Variants in CDH13 observed in about 807,000 individuals in gnomAD.
CDH13 encodes cadherin 13.
In CDH13, 24 loss-of-function variants were observed where a neutral mutation model predicts 63.8. That is an observed-to-expected ratio of 0.38 (90% CI 0.27 to 0.53). CDH13 has a LOEUF of 0.53. CDH13 is among the 20% of genes least tolerant of loss of function. The pLI is 0.85. For missense variants in CDH13, 1,049 were observed against 903.1 expected (o/e 1.16, Z -2.07); for synonymous variants, 503 against 355.3 (o/e 1.42, Z -4.67).
At chr16:82,714,851 C>T (rs2032246591) in intron 1 of CDH13, among the ~76,000 whole-genome samples, 3 of 141,734 alleles carry the variant, frequency 2.1e-5, no homozygotes, top group Non-Finnish European at 3.1e-5. Flanking sequence ...GCTAAGAGAA[C>T]AGCATGAAAC....
intron 1 of CDH13, among the ~76,000 whole-genome samples, chr16:82,653,521 C>A (rs1045888444): frequency 2.0e-5 from 3 of 152,122 alleles, no homozygotes; most frequent in Admixed American, 2.0e-4. Flanking sequence ...TGTACCTGCA[C>A]AAAGCCAGCA....
chr16:82,893,821 T>C (rs1395057180), intron 2 of CDH13, among the ~76,000 whole-genome samples: 14 of 152,144 alleles, frequency 9.2e-5, no homozygotes. Flanking sequence ...GACACTTGCC[T>C]TCTTTCCATG....
At chr16:83,260,582 G>A (rs1906868550) in intron 5 of CDH13, among the ~76,000 whole-genome samples, 1 of 152,156 alleles carries the variant, frequency 6.6e-6, no homozygotes, top group African/African-American at 2.4e-5. Context: ...AGGTCTGGGA[G>A]GGACTGAGAT....
intron 2 of CDH13, among the ~76,000 whole-genome samples, chr16:82,883,563 G>C (rs1000248370): frequency 6.6e-6 from 1 of 152,196 alleles, no homozygotes; most frequent in Non-Finnish European, 1.5e-5. Context: ...CCCATGCTTT[G>C]TCTCCTGTTA....
intron 4 of CDH13, among the ~76,000 whole-genome samples, chr16:83,176,877 T>G (rs979109562): frequency 7.2e-5 from 11 of 152,148 alleles, no homozygotes; most frequent in African/African-American, 2.7e-4. Flanking sequence ...TTAGTTACCT[T>G]CCTCTCCCAT....
chr16:83,514,730 T>A (rs1165777056), intron 7 of CDH13, among the ~76,000 whole-genome samples: 1 of 150,912 alleles, frequency 6.6e-6, no homozygotes, highest in African/African-American at 2.4e-5. Context: ...AGGCAGAGAG[T>A]GGGATGATGA....
chr16:82,889,824 GT>G (rs1369131433), intron 2 of CDH13, among the ~76,000 whole-genome samples: 2 of 152,176 alleles, frequency 1.3e-5, no homozygotes, highest in African/African-American at 4.8e-5. Context: ...ACTAAAATAC[GT>G]AAGTCTAAAG....
At chr16:82,933,383 G>T (rs1597242063) in intron 2 of CDH13, among the ~76,000 whole-genome samples, 3 of 152,104 alleles carry the variant, frequency 2.0e-5, no homozygotes, top group African/African-American at 4.8e-5. Flanking sequence ...AGCATGGGGA[G>T]ACTGCCCTCA....
At position 82,888,725 on chromosome 16, in the gene CDH13, G is replaced by A. The variant is rs2040977563; in HGVS notation, c.157+30252G>A. On this transcript the variant is annotated intron_variant, in intron 2 of 13. Transcript: ENST00000567109. ...GGATTATTTATTGCCTTGGACAGCA[G>A]CCCTGAAACTTGATCCATTTAGCTG... Among the ~76,000 whole-genome samples the A allele has an allele frequency of 2.0e-5, 3 of 152,212 alleles. No individual in the cohort carries two copies. In the South Asian group the frequency reaches 6.2e-4, roughly 32 times the overall value.
intron 6 of CDH13, among the ~76,000 whole-genome samples, chr16:83,427,961 AC>A (rs1266722005): frequency 6.6e-6 from 1 of 152,244 alleles, no homozygotes; most frequent in Non-Finnish European, 1.5e-5. Flanking sequence ...GTGAATGGCG[AC>A]AGAAAAGCCA....
intron 5 of CDH13, among the ~76,000 whole-genome samples, chr16:83,240,516 A>G (rs566913859): frequency 3.9e-5 from 6 of 152,092 alleles, no homozygotes; most frequent in Non-Finnish European, 7.4e-5. Context: ...TAGAGTGCCC[A>G]TGGCCAAGGT....
chr16:83,579,102 T>A (rs75103223), intron 7 of CDH13, among the ~76,000 whole-genome samples: 2,180 of 152,332 alleles, frequency 0.014, 58 homozygotes, highest in African/African-American at 0.05. Flanking sequence ...CAGAGAAAGT[T>A]GTCATTTGTC....
At chr16:83,671,974 C>G in intron 9 of CDH13, among the ~76,000 whole-genome samples, 1 of 152,152 alleles carries the variant, frequency 6.6e-6, no homozygotes, top group Non-Finnish European at 1.5e-5. Flanking sequence ...CTGCCAGAGA[C>G]CAGGACCTTC....
At chr16:82,638,615 A>T (rs1253896655) in intron 1 of CDH13, among the ~76,000 whole-genome samples, 2 of 152,114 alleles carry the variant, frequency 1.3e-5, no homozygotes, top group African/African-American at 2.4e-5. Flanking sequence ...TAAGGGGGGA[A>T]ATGACTGTGC....
chr16:82,823,446 G>T (rs887186932), intron 1 of CDH13: 5 of 152,070 alleles, frequency 3.3e-5, no homozygotes, highest in African/African-American at 9.7e-5. Context: ...TCATGAATTT[G>T]AAAACAAAAT....
chr16:83,417,181 G>T (rs1202289197), intron 6 of CDH13, among the ~76,000 whole-genome samples: 1 of 152,062 alleles, frequency 6.6e-6, no homozygotes, highest in Non-Finnish European at 1.5e-5. Context: ...TCAGTGGTGG[G>T]GCCATAATTT....
intron 1 of CDH13, among the ~76,000 whole-genome samples, chr16:82,634,965 T>C (rs1194807259): frequency 6.6e-6 from 1 of 152,260 alleles, no homozygotes; most frequent in South Asian, 2.1e-4. Flanking sequence ...ACTGAGTCTC[T>C]GCTCTCCTGG....
At position 83,800,048 on chromosome 16, in the gene CDH13, A is replaced by G. The variant is rs1280548365; in HGVS notation, c.*5018A>G. On this transcript the variant is annotated 3_prime_UTR_variant, in exon 14 of 14. Transcript: ENST00000567109. ...CTCTCTCTCATACTATGTTGCTATC[A>G]TCACATCTATCGTTGGAGGGTTGCT... is the stretch of plus-strand genomic sequence containing the variant. The G allele has an allele frequency of 6.6e-6, 1 of 152,244 alleles. No individual in the cohort carries two copies. Among genetic ancestry groups the G allele is most frequent in the Non-Finnish European group, 1.5e-5 (1 of 68,044 alleles). The allele number at this position is 152,244 out of a possible 1,614,324, so 9.4% of individuals were successfully genotyped here. A position where few individuals can be genotyped will look rare whatever the true frequency, so the allele number is the denominator to read the frequency against.
intron 2 of CDH13, among the ~76,000 whole-genome samples, chr16:83,005,751 G>C (rs543076177): frequency 6.6e-6 from 1 of 152,234 alleles, no homozygotes; most frequent in East Asian, 1.9e-4. Flanking sequence ...TGTTTCTTTT[G>C]CTTTGTTTTG....
Sources: gnomAD v4.1 joint callset for allele counts (sites outside exome capture counted in the v4.1 genomes callset) on GRCh38, gnomAD v4.1.1 for gene constraint, MANE v1.5 for transcripts, NCBI Gene and HGNC (gene_info 2026-07-23, HGNC 2026-07-21) for gene names.